Variants in PDIA5 observed in about 807,000 individuals in gnomAD.
The protein encoded by PDIA5 is protein disulfide-isomerase A5.
PDIA5 carries 58 observed loss-of-function variants against 77.6 expected under a neutral mutation model. The observed-to-expected ratio is 0.75, with a 90% confidence interval of 0.61 to 0.93. The LOEUF (loss-of-function observed/expected upper bound fraction) is 0.93, where lower values mean the gene tolerates loss of function less well. Ranked by LOEUF, PDIA5 falls within the 40% of genes least tolerant of loss-of-function variation. The pLI, the probability that PDIA5 is intolerant of heterozygous loss-of-function variation, is 0.00. For synonymous variants in PDIA5, 250 were observed against 252.1 expected, an observed-to-expected ratio of 0.99 and a Z score of 0.08; for missense variants, 630 against 647.7, an observed-to-expected ratio of 0.97 and a Z score of 0.30.
chr3:123,113,723 G>C (rs985837910), intron 7 of PDIA5, among the ~76,000 whole-genome samples: 9 of 152,218 alleles, frequency 5.9e-5, no homozygotes, highest in Non-Finnish European at 1.3e-4. Flanking sequence ...TGGGACGTCT[G>C]TTAGGACTCT....
rs112675490 is a variant in PDIA5, at chr3:123,130,613, C to G, written c.907C>G (p.Pro303Ala). Residue 303 changes from proline to alanine, a missense_variant, in exon 11 of 17, where the codon CCA becomes GCA. Coordinates refer to ENST00000316218, the MANE Select transcript of PDIA5 (RefSeq NM_006810.4). ...CTCTGTCCTCGTCATGTTCCACGCCCCATGTGAGTGGAACTTTGCTCCTCC... is the reference window on the plus strand; with the variant it reads ...CTCTGTCCTCGTCATGTTCCACGCCGCATGTGAGTGGAACTTTGCTCCTCC... ...HSSVLVMFHA[P>A]WCGHCKKMKP... 1.2e-4 allele frequency: 186 copies of G among 1,614,060 alleles called. No homozygotes were observed. The African/African-American group carries it at 2.2e-3, about 19-fold the overall frequency.
chr3:123,090,003 T>A (rs1934242653), intron 2 of PDIA5, among the ~76,000 whole-genome samples: 1 of 152,178 alleles, frequency 6.6e-6, no homozygotes, highest in Admixed American at 6.5e-5. Context: ...TTTTGCTGCT[T>A]CTAAGGATGC....
rs371270960 is a variant in PDIA5, at chr3:123,116,200, C to T, written c.542-31C>T. On this transcript the variant is annotated intron_variant, in intron 7 of 16. Coordinates refer to ENST00000316218, the MANE Select transcript of PDIA5 (RefSeq NM_006810.4). ...GCAAGGGCTCAGCCATCCCTGTAACCGGATGTGGTCTCTCTCCTGCCTGTG... is the reference window on the plus strand; with the variant it reads ...GCAAGGGCTCAGCCATCCCTGTAACTGGATGTGGTCTCTCTCCTGCCTGTG... The T allele has an allele frequency of 5.2e-5, 83 of 1,595,862 alleles. No homozygotes were observed. In the Admixed American group the frequency reaches 7.3e-4, roughly 14 times the overall value.
At position 123,145,522 on chromosome 3, in the gene PDIA5, G is replaced by T; in HGVS notation, c.911G>T (p.Trp304Leu). 6.2e-7 allele frequency: 1 copy of T among 1,613,522 alleles called. No individual in the cohort carries two copies. The highest frequency in any genetic ancestry group is 8.5e-7 in the Non-Finnish European group (1 of 1,179,416). The change falls in exon 12 of 17, where the codon TGG becomes TTG. Residue 304 changes from tryptophan to leucine, a missense_variant and splice_region_variant. Transcript: ENST00000316218. The part of the protein sequence containing the change: ...SSVLVMFHAP[W>L]CGHCKKMKPE... Reference sequence around the variant, plus strand: ...GGTTTCTCTTGATCTCTCCCCACAGGGTGTGGCCACTGTAAGAAAATGAAG... The same window carrying T: ...GGTTTCTCTTGATCTCTCCCCACAGTGTGTGGCCACTGTAAGAAAATGAAG...
At position 123,150,297 on chromosome 3, in the gene PDIA5, G is replaced by A. The variant is rs957146233; in HGVS notation, c.1206G>A (p.Leu402=). ...AGCAGCAGACAAGCGTGTTGCACCT[G>A]GTGGGGGACAACTTCCGGGAGACCC... The part of the protein sequence containing the change: ...WEEQQTSVLH[L]VGDNFRETLK... The change falls in exon 14 of 17, where the codon CTG becomes CTA. Residue 402 remains leucine, a synonymous_variant. Coordinates refer to ENST00000316218, the MANE Select transcript of PDIA5 (RefSeq NM_006810.4). 3 of 1,613,662 alleles carry A rather than the reference G, an allele frequency of 1.9e-6. No homozygotes were observed. The highest frequency in any genetic ancestry group is 2.7e-5 in the African/African-American group (2 of 74,852).
At chr3:123,112,808 C>A (rs992357435) in intron 7 of PDIA5, among the ~76,000 whole-genome samples, 3 of 152,088 alleles carry the variant, frequency 2.0e-5, no homozygotes, top group African/African-American at 7.2e-5. Context: ...GATCCACCCA[C>A]CTCGGCCTCC....
chr3:123,117,686 A>AC (rs1935028804), intron 8 of PDIA5, among the ~76,000 whole-genome samples: 2 of 151,842 alleles, frequency 1.3e-5, no homozygotes, highest in Admixed American at 1.3e-4. Flanking sequence ...ATTATATTCC[A>AC]CCCTATGTAC....
chr3:123,146,807 T>G (rs548365806), intron 13 of PDIA5, among the ~76,000 whole-genome samples: 137 of 146,574 alleles, frequency 9.3e-4, no homozygotes, highest in Non-Finnish European at 1.5e-3. Context: ...GTTTATTTTC[T>G]TACAATTTTG....
chr3:123,103,773 A>T (rs1182659504), intron 5 of PDIA5, among the ~76,000 whole-genome samples: 1 of 152,226 alleles, frequency 6.6e-6, no homozygotes, highest in Non-Finnish European at 1.5e-5. Context: ...TTAGACACTT[A>T]GAAAGTTCTT....
At chr3:123,151,142 C>T (rs1350889644) in intron 14 of PDIA5, among the ~76,000 whole-genome samples, 1 of 152,176 alleles carries the variant, frequency 6.6e-6, no homozygotes, top group African/African-American at 2.4e-5. Context: ...GTCAGTAATC[C>T]GTGGAGTCTG....
At chr3:123,096,808 G>A (rs1020777185) in intron 3 of PDIA5, among the ~76,000 whole-genome samples, 3 of 152,220 alleles carry the variant, frequency 2.0e-5, no homozygotes, top group African/African-American at 7.2e-5. Context: ...AGCGGGTTGT[G>A]TGTGCGGGAG....
intron 1 of PDIA5, among the ~76,000 whole-genome samples, chr3:123,068,759 G>T (rs191836111): frequency 1.1e-4 from 17 of 152,344 alleles, no homozygotes; most frequent in Non-Finnish European, 1.6e-4. Flanking sequence ...AACACACATT[G>T]TACCTGCCGT....
intron 14 of PDIA5, 53 bp downstream of exon 14, chr3:123,150,417 C>T (rs936527000): frequency 5.1e-6 from 8 of 1,560,204 alleles, no homozygotes; most frequent in Non-Finnish European, 6.1e-6. Flanking sequence ...TTTGGCCCCA[C>T]CAAACCAAAA....
chr3:123,159,654 G>A (rs1474537175), intron 15 of PDIA5, among the ~76,000 whole-genome samples: 1 of 152,216 alleles, frequency 6.6e-6, no homozygotes, highest in African/African-American at 2.4e-5. Flanking sequence ...TTCAATGTGG[G>A]CCAAATAGAA....
intron 15 of PDIA5, among the ~76,000 whole-genome samples, chr3:123,160,213 T>G (rs1936126619): frequency 6.6e-6 from 1 of 152,186 alleles, no homozygotes; most frequent in South Asian, 2.1e-4. Context: ...CCATCTTCCA[T>G]AACACCTCTG....
At chr3:123,101,549 C>G (rs1934597397) in intron 3 of PDIA5, among the ~76,000 whole-genome samples, 1 of 152,318 alleles carries the variant, frequency 6.6e-6, no homozygotes, top group East Asian at 1.9e-4. Context: ...TTGTCAATAC[C>G]TGGCCAGATT....
Position 123,154,972 on chromosome 3 carries a change from G to GT in PDIA5, c.1276dup (p.Cys426LeufsTer5). The GT allele has an allele frequency of 6.2e-7, 1 of 1,605,862 alleles. No homozygotes were observed. Among genetic ancestry groups the GT allele is most frequent in the South Asian group, 1.1e-5 (1 of 90,906 alleles). ...GTGCTCTCTTCCCCTCTCACACAGG[G>GT]TGCCCACACTGTAAGAAGGTCATTC... On this transcript the variant is annotated frameshift_variant and splice_region_variant, in exon 15 of 17. Transcript: ENST00000316218. LOFTEE classifies it high-confidence loss of function.
At chr3:123,073,824 C>T (rs965159803) in intron 1 of PDIA5, among the ~76,000 whole-genome samples, 2 of 152,188 alleles carry the variant, frequency 1.3e-5, no homozygotes, top group Admixed American at 6.5e-5. Flanking sequence ...AACCCCTTGG[C>T]GCAGGCAGAT....
At chr3:123,070,089 CAAA>C (rs771690653) in intron 1 of PDIA5, among the ~76,000 whole-genome samples, 21 of 72,376 alleles carry the variant, frequency 2.9e-4, no homozygotes, top group African/African-American at 7.3e-4. Context: ...GACTCCATCT[CAAA>C]AAAAAAAAAA....
Sources: allele counts gnomAD v4.1 joint callset (sites outside exome capture counted in the v4.1 genomes callset), GRCh38; gene constraint gnomAD v4.1.1; transcripts MANE v1.5; gene names NCBI Gene and HGNC (gene_info 2026-07-23, HGNC 2026-07-21).